Variants in BICRAL observed in about 807,000 individuals in gnomAD.
BICRAL encodes BRD4-interacting chromatin-remodeling complex-associated protein-like.
In BICRAL, 8 loss-of-function variants were observed where a neutral mutation model predicts 91.8. The observed-to-expected ratio is 0.09, with a 90% CI of 0.05 to 0.16. The LOEUF (loss-of-function observed/expected upper bound fraction) is 0.16. Among genes scored for constraint, BICRAL ranks in the 10% least tolerant of loss-of-function variants. BICRAL has a pLI of 1.00. For missense variants in BICRAL, 1,038 were observed against 1,310.9 expected, an observed-to-expected ratio of 0.79 and a Z score of 3.21; for synonymous variants, 445 against 491.1, an observed-to-expected ratio of 0.91 and a Z score of 1.24.
intron 1 of BICRAL, among the ~76,000 whole-genome samples, chr6:42,799,857 ATTCT>A (rs1763517483): frequency 1.3e-5 from 2 of 151,808 alleles, no homozygotes; most frequent in South Asian, 4.2e-4. Context: ...ATTTGTCCAT[ATTCT>A]TTCTTAAATA....
At chr6:42,798,387 A>C (rs59933606) in intron 1 of BICRAL, among the ~76,000 whole-genome samples, 3 of 114,192 alleles carry the variant, frequency 2.6e-5, no homozygotes, top group South Asian at 6.3e-4. Flanking sequence ...AAAGAAAAAA[A>C]ATTTTTTTAA....
At chr6:42,852,386 G>A in intron 7 of BICRAL, 189 bp downstream of exon 7, 1 of 683,450 alleles carries the variant, frequency 1.5e-6, no homozygotes, top group Non-Finnish European at 2.7e-6. Flanking sequence ...ATTGGGCCGG[G>A]CACGGTGGCT....
chr6:42,819,330 G>A (rs1764076621), intron 2 of BICRAL, among the ~76,000 whole-genome samples: 1 of 152,064 alleles, frequency 6.6e-6, no homozygotes, highest in Admixed American at 6.6e-5. Context: ...CTGTCACCCA[G>A]GCTGGAGTGC....
At chr6:42,824,003 C>T (rs1033667927) in intron 5 of BICRAL, among the ~76,000 whole-genome samples, 6 of 152,058 alleles carry the variant, frequency 3.9e-5, no homozygotes, top group Non-Finnish European at 5.9e-5. Flanking sequence ...TTTGGGAGGC[C>T]GAGGCAGGCA....
chr6:42,798,742 A>T (rs1763487745), intron 1 of BICRAL, among the ~76,000 whole-genome samples: 1 of 152,188 alleles, frequency 6.6e-6, no homozygotes, highest in Non-Finnish European at 1.5e-5. Flanking sequence ...ACCTACACAG[A>T]TCCTCCCATA....
rs989054840 is a variant in BICRAL at position 42,809,430 on chromosome 6, A to ATTT, written c.-101-855_-101-853dup. On this transcript the variant is annotated intron_variant, in intron 1 of 12. Transcript: ENST00000314073. ...ATTGTCGTCTTTTCCAACTATGAGA[A>ATTT]TTTTTTTTTTTTTTTTTTTTTTTGA... is the stretch of plus-strand genomic sequence containing the variant. Among the ~76,000 whole-genome samples the ATTT allele has an allele frequency of 1.4e-3, 157 of 111,896 alleles. 1 individual carries two copies. The highest frequency in any genetic ancestry group is 1.8e-3 in the Non-Finnish European group (99 of 54,214). The allele number at this position is 111,896 out of a possible 152,430, so 73.4% of individuals were successfully genotyped here.
chr6:42,773,122 G>A (rs1330628346), intron 1 of BICRAL, among the ~76,000 whole-genome samples: 12 of 149,892 alleles, frequency 8.0e-5, no homozygotes, highest in Admixed American at 5.3e-4. Context: ...TCTGTCGCCC[G>A]GGCTGGAGTG....
intron 11 of BICRAL, among the ~76,000 whole-genome samples, 199 bp downstream of exon 11, chr6:42,860,555 A>G (rs1765524773): frequency 6.6e-6 from 1 of 152,220 alleles, no homozygotes; most frequent in African/African-American, 2.4e-5. Context: ...GGTCAGTACT[A>G]TTCTCTTGTT....
intron 1 of BICRAL, among the ~76,000 whole-genome samples, chr6:42,804,330 T>C (rs557256364): frequency 6.6e-6 from 1 of 152,216 alleles, no homozygotes; most frequent in African/African-American, 2.4e-5. Flanking sequence ...GCCAGTATTA[T>C]ACTCTTAAGG....
intron 6 of BICRAL, among the ~76,000 whole-genome samples, chr6:42,840,468 C>T (rs997394844): frequency 5.3e-5 from 8 of 151,870 alleles, no homozygotes; most frequent in Non-Finnish European, 1.2e-4. Flanking sequence ...GTCTCGATCT[C>T]CTGACCTCGT....
intron 1 of BICRAL, among the ~76,000 whole-genome samples, chr6:42,803,236 A>G (rs1763624623): frequency 6.6e-6 from 1 of 152,230 alleles, no homozygotes; most frequent in South Asian, 2.1e-4. Context: ...GGTTTGTTAA[A>G]TATTAAGTGG....
intron 2 of BICRAL, among the ~76,000 whole-genome samples, chr6:42,816,803 A>G (rs531791861): frequency 1.6e-4 from 24 of 152,008 alleles, no homozygotes; most frequent in South Asian, 8.3e-4. Context: ...TCACGAGGTC[A>G]GGAGATCAAG....
intron 1 of BICRAL, among the ~76,000 whole-genome samples, chr6:42,782,903 T>G (rs1190614975): frequency 3.3e-5 from 5 of 151,758 alleles, no homozygotes; most frequent in African/African-American, 7.3e-5. Context: ...CCTCGTTTCT[T>G]TTCTCTCTCG....
At chr6:42,793,122 A>ATTTTTTTTTTTTTTT (rs1159342197) in intron 1 of BICRAL, among the ~76,000 whole-genome samples, 1 of 37,254 alleles carries the variant, frequency 2.7e-5, no homozygotes, top group Non-Finnish European at 4.9e-5. Context: ...TGCCCAGCTA[A>ATTTTTTTTTTTTTTT]TTTTTTTTTT....
intron 1 of BICRAL, among the ~76,000 whole-genome samples, chr6:42,747,965 C>T (rs1434556417): frequency 6.6e-6 from 1 of 151,832 alleles, no homozygotes; most frequent in Non-Finnish European, 1.5e-5. Flanking sequence ...CCACCATGTC[C>T]GGCTAATTTT....
Position 42,867,437 on chromosome 6 carries a change from C to T in BICRAL, c.*1991C>T, listed in dbSNP as rs781161229. ...TGTAACATATTAGATAAGTTGGTGT[C>T]GCCAGTTGGTACTTTCTGTTTGGGT... On this transcript the variant is annotated 3_prime_UTR_variant, in exon 13 of 13. Transcript: ENST00000314073. 1.3e-5 allele frequency: 2 copies of T among 152,818 alleles called. No individual in the cohort carries two copies. The highest frequency in any genetic ancestry group is 6.5e-5 in the Admixed American group (1 of 15,298). The allele number at this position is 152,818 out of a possible 1,614,324, so 9.5% of individuals were successfully genotyped here.
intron 1 of BICRAL, among the ~76,000 whole-genome samples, chr6:42,748,058 C>A (rs868766239): frequency 3.3e-5 from 5 of 151,056 alleles, no homozygotes; most frequent in Middle Eastern, 7.0e-3. Flanking sequence ...CCCGCCTCGG[C>A]CTCCCATAGT....
chr6:42,751,845 C>CG (rs1762386483), intron 1 of BICRAL, among the ~76,000 whole-genome samples: 1 of 151,744 alleles, frequency 6.6e-6, no homozygotes, highest in African/African-American at 2.4e-5. Flanking sequence ...TTAGTAGAGA[C>CG]GGGGTTTCTC....
intron 1 of BICRAL, among the ~76,000 whole-genome samples, chr6:42,787,342 G>A (rs906158064): frequency 6.6e-6 from 1 of 152,138 alleles, no homozygotes; most frequent in African/African-American, 2.4e-5. Context: ...GCATCCAAGC[G>A]GAGAGTTAAG....
Sources: gnomAD v4.1 joint callset for allele counts (sites outside exome capture counted in the v4.1 genomes callset) on GRCh38, gnomAD v4.1.1 for gene constraint, MANE v1.5 for transcripts, NCBI Gene and HGNC (gene_info 2026-07-23, HGNC 2026-07-21) for gene names.